Variants in CFAP43 observed in about 807,000 individuals in gnomAD.
The protein encoded by CFAP43 is cilia and flagella associated protein 43, also known as cilia- and flagella-associated protein 43.
Under a neutral mutation model 218.9 loss-of-function variants are expected in CFAP43, and 155 were observed. The ratio of observed to expected loss-of-function variants is 0.71; its 90% CI spans 0.62 to 0.81. The LOEUF is 0.81. Ranked by LOEUF, CFAP43 falls within the 30% of genes least tolerant of loss-of-function variation. The probability of loss-of-function intolerance (pLI) is 0.00; values close to 1 mark genes in which losing one functional copy is unlikely to be tolerated. For synonymous variants in CFAP43, 645 were observed against 681.3 expected, an observed-to-expected ratio of 0.95 and a Z score of 0.83; for missense variants, 1,778 against 1,954.3, an observed-to-expected ratio of 0.91 and a Z score of 1.70.
intron 23 of CFAP43, among the ~76,000 whole-genome samples, chr10:104,166,246 T>A (rs1043373271): frequency 2.6e-5 from 4 of 151,972 alleles, no homozygotes; most frequent in African/African-American, 4.8e-5. Flanking sequence ...GCTAATTTTT[T>A]AATTTTTAGT....
At chr10:104,230,530 T>C in intron 2 of CFAP43, 60 bp downstream of exon 2, 1 of 1,542,062 alleles carries the variant, frequency 6.5e-7, no homozygotes, top group Non-Finnish European at 8.7e-7. Flanking sequence ...ATAATAGATT[T>C]AGTCAACTCT....
At chr10:104,145,395 G>GA (rs1337987731) in intron 31 of CFAP43, 81 bp downstream of exon 31, 66 of 859,052 alleles carry the variant, frequency 7.7e-5, no homozygotes, top group Non-Finnish European at 1.2e-4. Flanking sequence ...TTAATTGGGA[G>GA]AAAAAAGCTG....
intron 19 of CFAP43, among the ~76,000 whole-genome samples, chr10:104,175,088 C>CAACA (rs2089572378): frequency 7.0e-6 from 1 of 142,916 alleles, no homozygotes; most frequent in Non-Finnish European, 1.5e-5. Flanking sequence ...AACAAACAAA[C>CAACA]AAAAAAAAAC....
intron 16 of CFAP43, among the ~76,000 whole-genome samples, chr10:104,184,806 T>A (rs987425091): frequency 1.3e-5 from 2 of 152,082 alleles, no homozygotes; most frequent in Non-Finnish European, 2.9e-5. Context: ...TTTTCCTCCC[T>A]CTCTCAGCCT....
intron 9 of CFAP43, 141 bp from the exon 10 acceptor site, chr10:104,197,074 C>A (rs562123515): frequency 2.6e-5 from 15 of 586,340 alleles, no homozygotes; most frequent in Non-Finnish European, 4.1e-5. Flanking sequence ...CTTATTTTAT[C>A]ATTTCAACGC....
At chr10:104,182,653 G>T in intron 16 of CFAP43, 140 bp from the exon 17 acceptor site, 2 of 781,936 alleles carry the variant, frequency 2.6e-6, no homozygotes, top group Non-Finnish European at 3.6e-6. Context: ...ATTCTTCACA[G>T]TGCCTTGTGG....
intron 26 of CFAP43, 120 bp from the exon 27 acceptor site, chr10:104,161,282 GA>G: frequency 9.4e-7 from 1 of 1,060,770 alleles, no homozygotes; most frequent in Non-Finnish European, 1.3e-6. Flanking sequence ...CATTGGCAAG[GA>G]AAACGACCTG....
In CFAP43 at chr10:104,166,591, A is replaced by C. The variant is rs1407738121; in HGVS notation, c.2936T>G (p.Leu979Arg). 13 of 1,614,066 alleles carry C rather than the reference A, an allele frequency of 8.1e-6. No homozygotes were observed. The highest frequency in any genetic ancestry group is 1.1e-5 in the Non-Finnish European group (13 of 1,180,038). ...VKYSNLPNYL[L>R]GSLSTDFGVD... Reference sequence around the variant, plus strand: ...CCCAAAATCAGTACTCAGACTACCAAGCAGGTAATTGGGCAAATTGCTATA... The same window carrying C: ...CCCAAAATCAGTACTCAGACTACCACGCAGGTAATTGGGCAAATTGCTATA... The change falls in exon 23 of 38, where the codon CTT becomes CGT. Residue 979 changes from leucine to arginine, a missense_variant. Coordinates refer to ENST00000357060, the MANE Select transcript of CFAP43 (RefSeq NM_025145.7).
intron 31 of CFAP43, 134 bp from the exon 32 acceptor site, chr10:104,143,773 G>T: frequency 1.2e-6 from 1 of 840,590 alleles, no homozygotes. Flanking sequence ...TGGTAGGTGG[G>T]TTATTCCACA....
chr10:104,170,346 G>A, intron 20 of CFAP43, among the ~76,000 whole-genome samples: 1 of 152,178 alleles, frequency 6.6e-6, no homozygotes, highest in South Asian at 2.1e-4. Context: ...CAGAGGCACA[G>A]GGTGGCGGTG....
chr10:104,192,250 AG>A lies in CFAP43; in HGVS notation c.1494del (p.Phe499LeufsTer32), dbSNP rs1226194750. On this transcript the variant is annotated frameshift_variant, in exon 12 of 38. Coordinates refer to ENST00000357060, the MANE Select transcript of CFAP43 (RefSeq NM_025145.7). LOFTEE classifies it high-confidence loss of function. ...FLLVGTAEGK[V>X]FIINANSSSS... ...CTTGAGGAGTTGGCATTGATAATAA[AG>A]ACTTTTCCTTCTGCTGTTCCAACTA... is the stretch of plus-strand genomic sequence containing the variant. The A allele has an allele frequency of 6.2e-7, 1 of 1,613,276 alleles. No individual in the cohort carries two copies. The highest frequency in any genetic ancestry group is 1.1e-5 in the South Asian group (1 of 91,042).
Position 104,187,341 on chromosome 10 carries a change from A to G in CFAP43, c.1839T>C (p.Cys613=), listed in dbSNP as rs1329080973. Reference sequence around the variant, plus strand: ...ATACTTCTTCAGGAAGAAGGTAGCTACAGATGTATGGCACTTGACTACAGA... The same window carrying G: ...ATACTTCTTCAGGAAGAAGGTAGCTGCAGATGTATGGCACTTGACTACAGA... ...YGFCSQVPYI[C]SYLLPEEEHT... Residue 613 remains cysteine (C), a synonymous_variant, in exon 14 of 38, where the codon TGT becomes TGC. Transcript: ENST00000357060. 6.2e-7 allele frequency: 1 copy of G among 1,601,092 alleles called. No homozygotes were observed. The highest frequency in any genetic ancestry group is 1.8e-5 in the Admixed American group (1 of 55,874).
chr10:104,217,444 C>T (rs760433740), intron 3 of CFAP43, among the ~76,000 whole-genome samples: 2 of 151,860 alleles, frequency 1.3e-5, no homozygotes, highest in Non-Finnish European at 2.9e-5. Context: ...ATTTCCTCTC[C>T]AGTATAGATT....
intron 3 of CFAP43, among the ~76,000 whole-genome samples, chr10:104,221,251 A>T (rs1042917679): frequency 6.6e-5 from 10 of 152,192 alleles, no homozygotes; most frequent in African/African-American, 2.4e-4. Context: ...TTGGGATTAC[A>T]GGCGTGAGCC....
At position 104,130,008 on chromosome 10, in the gene CFAP43, T is replaced by G; in HGVS notation, c.*131A>C. On this transcript the variant is annotated 3_prime_UTR_variant, in exon 38 of 38. Transcript: ENST00000357060. ...ATTAAGGCTAAAATTAAACAATTTTTTATCTAAAACATGCAACTCAGAGGA... is the reference window on the plus strand; with the variant it reads ...ATTAAGGCTAAAATTAAACAATTTTGTATCTAAAACATGCAACTCAGAGGA... 8.7e-7 allele frequency: 1 copy of G among 1,146,348 alleles called. No individual in the cohort carries two copies. Among genetic ancestry groups the G allele is most frequent in the Non-Finnish European group, 1.2e-6 (1 of 857,544 alleles). 71.0% of individuals were successfully genotyped at this position (1,146,348 alleles called of 1,614,324 possible). A position where few individuals can be genotyped will look rare whatever the true frequency, so the allele number is the denominator to read the frequency against.
Position 104,214,301 on chromosome 10 carries a change from C to T in CFAP43, c.542G>A (p.Trp181Ter). 6.2e-7 allele frequency: 1 copy of T among 1,606,896 alleles called. No individual in the cohort carries two copies. The highest frequency in any genetic ancestry group is 8.5e-7 in the Non-Finnish European group (1 of 1,176,624). The change falls in exon 4 of 38, where the codon TGG becomes TAG. Residue 181 changes from tryptophan to a stop codon, truncating the protein, a stop_gained. Coordinates refer to ENST00000357060, the MANE Select transcript of CFAP43 (RefSeq NM_025145.7). LOFTEE classifies it high-confidence loss of function. ...CTCCTGGTTACTTCTTTCAATGGTC[C>T]ACACGCTCACTGTACTTGGACTTGA... The part of the protein sequence containing the change: ...CLSSPSTVSV[W>*]TIERSNQEHC...
At chr10:104,226,741 C>T (rs1018042874) in intron 2 of CFAP43, among the ~76,000 whole-genome samples, 1 of 151,914 alleles carries the variant, frequency 6.6e-6, no homozygotes, top group Non-Finnish European at 1.5e-5. Flanking sequence ...TATATGAGGC[C>T]GGGCGAGATG....
At chr10:104,152,531 G>C (rs1037497316) in intron 28 of CFAP43, 76 bp downstream of exon 28, 81 of 1,584,880 alleles carry the variant, frequency 5.1e-5, no homozygotes, top group Non-Finnish European at 6.8e-5. Context: ...TGGTAAGGAT[G>C]TTGATCTTCA....
chr10:104,209,022 T>G lies in CFAP43; in HGVS notation c.736-1198A>C, dbSNP rs567088651. ...AGCTATGAATAGATAATGGGATTAT[T>G]TGATGTTTGTAATTTTTTAAAAGTC... On this transcript the variant is annotated intron_variant, in intron 5 of 37. Transcript: ENST00000357060. Among the ~76,000 whole-genome samples the G allele has an allele frequency of 2.6e-5, 4 of 152,332 alleles. No homozygotes were observed. In the East Asian group the frequency reaches 7.7e-4, roughly 29 times the overall value.
Sources: allele counts gnomAD v4.1 joint callset (sites outside exome capture counted in the v4.1 genomes callset), GRCh38; gene constraint gnomAD v4.1.1; transcripts MANE v1.5; gene names NCBI Gene and HGNC (gene_info 2026-07-23, HGNC 2026-07-21).